NTM: variants seen among roughly 807,000 people sequenced by gnomAD.
NTM encodes the protein IgLON family member 2.
In NTM, 13 loss-of-function variants were observed where a neutral mutation model predicts 42.1. The observed-to-expected ratio is 0.31, with a 90% CI of 0.20 to 0.49. NTM has a LOEUF of 0.49. Among genes scored for constraint, NTM ranks in the 20% least tolerant of loss-of-function variants. The pLI is 0.99. For missense variants in NTM, 373 were observed against 452.8 expected, an observed-to-expected ratio of 0.82 and a Z score of 1.60; for synonymous variants, 187 against 179.2, an observed-to-expected ratio of 1.04 and a Z score of -0.35.
At chr11:131,880,184 C>T (rs946575940) in intron 1 of NTM, among the ~76,000 whole-genome samples, 9 of 152,172 alleles carry the variant, frequency 5.9e-5, no homozygotes, top group Non-Finnish European at 1.0e-4. Context: ...CTCAATAAAT[C>T]GAACCAAGAA....
At chr11:131,819,971 A>T (rs1372992877) in intron 1 of NTM, among the ~76,000 whole-genome samples, 7 of 152,186 alleles carry the variant, frequency 4.6e-5, no homozygotes, top group African/African-American at 1.4e-4. Flanking sequence ...TTCGTGGCAC[A>T]GGGTGTTATT....
intron 1 of NTM, among the ~76,000 whole-genome samples, chr11:131,395,023 A>G (rs1944402941): frequency 6.6e-6 from 1 of 152,090 alleles, no homozygotes; most frequent in Admixed American, 6.5e-5. Context: ...CTCTGAGACT[A>G]CTTAGGGATG....
intron 1 of NTM, among the ~76,000 whole-genome samples, chr11:131,741,923 C>T (rs531248480): frequency 9.2e-5 from 14 of 152,180 alleles, no homozygotes; most frequent in South Asian, 6.2e-4. Context: ...TGTCCTTTGC[C>T]GGACCATCAA....
At chr11:132,082,386 C>T (rs774696822) in intron 2 of NTM, among the ~76,000 whole-genome samples, 7 of 152,176 alleles carry the variant, frequency 4.6e-5, no homozygotes, top group Non-Finnish European at 8.8e-5. Context: ...GGCAAGGCTC[C>T]TCCCAGCATA....
intron 1 of NTM, among the ~76,000 whole-genome samples, chr11:131,706,273 C>A (rs1262384595): frequency 2.6e-5 from 4 of 151,830 alleles, no homozygotes; most frequent in African/African-American, 9.7e-5. Context: ...GGGATCAATT[C>A]ATGAAGAGGA....
At chr11:131,816,354 C>T (rs921585727) in intron 1 of NTM, among the ~76,000 whole-genome samples, 1 of 152,154 alleles carries the variant, frequency 6.6e-6, no homozygotes, top group African/African-American at 2.4e-5. Flanking sequence ...AAATAACAGT[C>T]AACCCCTTAG....
At chr11:131,494,698 A>C (rs985720589) in intron 1 of NTM, among the ~76,000 whole-genome samples, 10 of 152,234 alleles carry the variant, frequency 6.6e-5, no homozygotes, top group Non-Finnish European at 1.2e-4. Context: ...CATGAAAAAA[A>C]AATATCTCCT....
intron 1 of NTM, among the ~76,000 whole-genome samples, chr11:131,709,124 T>G (rs1222688124): frequency 6.6e-6 from 1 of 152,048 alleles, no homozygotes; most frequent in East Asian, 1.9e-4. Context: ...AGGAGGTCAA[T>G]GTGGCTGGTA....
intron 1 of NTM, among the ~76,000 whole-genome samples, chr11:131,866,367 T>C (rs1023455632): frequency 6.6e-6 from 1 of 152,258 alleles, no homozygotes; most frequent in African/African-American, 2.4e-5. Flanking sequence ...GGCTGTGTTT[T>C]GCAGCCCGAG....
intron 1 of NTM, among the ~76,000 whole-genome samples, chr11:131,866,968 C>T (rs11222823): frequency 2.0e-5 from 3 of 152,068 alleles, no homozygotes; most frequent in African/African-American, 2.4e-5. Flanking sequence ...AAGGACAGTG[C>T]GCGGCAGCCA....
chr11:132,315,321 T>C (rs1370043379), intron 7 of NTM, among the ~76,000 whole-genome samples: 2 of 152,202 alleles, frequency 1.3e-5, no homozygotes, highest in Non-Finnish European at 2.9e-5. Flanking sequence ...TTGTAAACCC[T>C]GATGCCTGCC....
chr11:131,395,016 T>C (rs1236941368), intron 1 of NTM, among the ~76,000 whole-genome samples: 1 of 152,176 alleles, frequency 6.6e-6, no homozygotes, highest in Non-Finnish European at 1.5e-5. Context: ...GACCTTTCTC[T>C]GAGACTACTT....
chr11:132,061,285 A>C (rs190402327), intron 2 of NTM, among the ~76,000 whole-genome samples: 1 of 152,332 alleles, frequency 6.6e-6, no homozygotes, highest in African/African-American at 2.4e-5. Context: ...TGTACGTTCT[A>C]ATAGAATGGC....
intron 3 of NTM, among the ~76,000 whole-genome samples, chr11:132,167,299 C>T (rs2075426386): frequency 6.6e-6 from 1 of 152,150 alleles, no homozygotes; most frequent in African/African-American, 2.4e-5. Flanking sequence ...TTCAACTCCT[C>T]AAGTGATTCT....
chr11:132,328,759 G>A (rs1452019547), intron 7 of NTM, among the ~76,000 whole-genome samples: 2 of 152,106 alleles, frequency 1.3e-5, no homozygotes, highest in East Asian at 3.9e-4. Context: ...TCTTGGCACA[G>A]AGAGGATCAA....
intron 1 of NTM, among the ~76,000 whole-genome samples, chr11:131,435,222 G>T (rs1949023618): frequency 6.6e-6 from 1 of 152,320 alleles, no homozygotes; most frequent in East Asian, 1.9e-4. Context: ...GTCAGGTAGT[G>T]TGATGCCTCC....
intron 1 of NTM, among the ~76,000 whole-genome samples, chr11:131,644,318 A>G (rs1201656501): frequency 1.3e-5 from 2 of 152,198 alleles, no homozygotes; most frequent in African/African-American, 4.8e-5. Context: ...TAAATAGGTG[A>G]TCATACCTGA....
At chr11:131,911,034 A>C in intron 1 of NTM, 1 of 1,038,220 alleles carries the variant, frequency 9.6e-7, no homozygotes, top group Non-Finnish European at 1.2e-6. Flanking sequence ...CCCCCGTTCG[A>C]ACTGAGGGAC....
rs576560811 is a variant in NTM, at chr11:131,379,300, A to G, written c.82+8412A>G. On this transcript the variant is annotated intron_variant, in intron 1 of 8. Coordinates refer to ENST00000683400, the MANE Select transcript of NTM (RefSeq NM_001352005.2). ...GGAACTTGCATCTCTTCAGAAGTCC[A>G]TTGCATCTGTCAGATTTCAGGAAGA... 3.3e-5 allele frequency among the ~76,000 whole-genome samples: 5 copies of G among 152,340 alleles called. No individual in the cohort carries two copies. The East Asian group carries it at 7.7e-4, about 24-fold the overall frequency.
Sources: gnomAD v4.1 joint callset for allele counts (sites outside exome capture counted in the v4.1 genomes callset) on GRCh38, gnomAD v4.1.1 for gene constraint, MANE v1.5 for transcripts, NCBI Gene and HGNC (gene_info 2026-07-23, HGNC 2026-07-21) for gene names.